Variants in GPC1 observed in about 807,000 individuals in gnomAD.
GPC1 encodes glypican-1.
A neutral mutation model predicts 51.5 loss-of-function variants in GPC1; 26 were observed. The ratio of observed to expected loss-of-function variants is 0.50; its 90% CI spans 0.37 to 0.70. GPC1 has a LOEUF of 0.70. Among genes scored for constraint, GPC1 ranks in the 30% least tolerant of loss-of-function variants. The pLI is 0.00. For missense variants in GPC1, 775 were observed against 800.5 expected (o/e 0.97, Z 0.38); for synonymous variants, 380 against 348.3 (o/e 1.09, Z -1.01).
intron 1 of GPC1, chr2:240,449,883 C>T (rs1280495547): frequency 2.1e-6 from 1 of 470,820 alleles, no homozygotes; most frequent in East Asian, 6.9e-5. Flanking sequence ...GTCAGAATTT[C>T]TTCCTTTTCA....
rs530703798 is a variant in GPC1 at position 240,451,147 on chromosome 2, G to A, written c.167-7883G>A. On this transcript the variant is annotated intron_variant, in intron 1 of 8. Transcript: ENST00000264039. ...TCTGTTCCTTCCCCAGTGTTTATGA[G>A]CCATCCCTCTTGGCGGGCTCCCTCC... The A allele has an allele frequency of 6.2e-5, 29 of 471,262 alleles. No individual in the cohort carries two copies. In the East Asian group the frequency reaches 1.6e-3, roughly 26 times the overall value. The allele number at this position is 471,262 out of a possible 1,614,324, so 29.2% of individuals were successfully genotyped here. A position where few individuals can be genotyped will look rare whatever the true frequency, so the allele number is the denominator to read the frequency against.
intron 1 of GPC1, among the ~76,000 whole-genome samples, chr2:240,442,665 C>T (rs1317846691): frequency 6.6e-6 from 1 of 152,234 alleles, no homozygotes; most frequent in African/African-American, 2.4e-5. Context: ...CCCAAAGTCA[C>T]ATCCTGAGGA....
At chr2:240,443,272 C>T (rs2074029720) in intron 1 of GPC1, among the ~76,000 whole-genome samples, 3 of 152,262 alleles carry the variant, frequency 2.0e-5, no homozygotes, top group African/African-American at 4.8e-5. Flanking sequence ...CAGTCTCCCA[C>T]TTGTCAGGGG....
In GPC1 at chr2:240,439,804, G is replaced by C. The variant is rs538150045; in HGVS notation, c.166+3720G>C. Among the ~76,000 whole-genome samples the C allele has an allele frequency of 2.6e-5, 4 of 152,346 alleles. No individual in the cohort carries two copies. The East Asian group carries it at 7.7e-4, about 29-fold the overall frequency. On this transcript the variant is annotated intron_variant, in intron 1 of 8. Transcript: ENST00000264039. ...TGTCCTGTCCAGGTGGCTCAGCGTG[G>C]TTCCCAGGTGGTCCTCAGCCTTTGC...
chr2:240,466,351 C>A lies in GPC1; in HGVS notation c.*61C>A. ...GACTTTGCCAAAAATACAACACAGA[C>A]GATATTTAATTCACCTCAGCCTGGA... On this transcript the variant is annotated 3_prime_UTR_variant, in exon 9 of 9. Coordinates refer to ENST00000264039, the MANE Select transcript of GPC1 (RefSeq NM_002081.3). 1 of 950,046 alleles carries A rather than the reference C, an allele frequency of 1.1e-6. No individual in the cohort carries two copies. The highest frequency in any genetic ancestry group is 1.7e-6 in the Non-Finnish European group (1 of 596,922). The allele number at this position is 950,046 out of a possible 1,614,324, so 58.9% of individuals were successfully genotyped here. A position where few individuals can be genotyped will look rare whatever the true frequency, so the allele number is the denominator to read the frequency against.
At chr2:240,447,230 C>G (rs1339507705) in intron 1 of GPC1, among the ~76,000 whole-genome samples, 3 of 152,150 alleles carry the variant, frequency 2.0e-5, no homozygotes, top group African/African-American at 7.2e-5. Context: ...TCGTAGATGA[C>G]CCCCATGTTC....
chr2:240,450,663 T>G (rs1467451051), intron 1 of GPC1: 1 of 470,576 alleles, frequency 2.1e-6, no homozygotes, highest in Non-Finnish European at 4.4e-6. Context: ...GTGCTTCCTC[T>G]GGGGAGGAGG....
In GPC1 at chr2:240,458,804, C is replaced by T. The variant is rs971382861; in HGVS notation, c.167-226C>T. On this transcript the variant is annotated intron_variant, in intron 1 of 8. Transcript: ENST00000264039. Reference sequence around the variant, plus strand: ...GGGCCTCCTGCCCTGTAGAGGCAGCCGTGCTCTTGTGTCACGTGTGGGAAG... The same window carrying T: ...GGGCCTCCTGCCCTGTAGAGGCAGCTGTGCTCTTGTGTCACGTGTGGGAAG... 3.0e-5 allele frequency: 16 copies of T among 541,956 alleles called. No homozygotes were observed. The South Asian group carries it at 3.0e-4, about 10-fold the overall frequency. 33.6% of individuals were successfully genotyped at this position (541,956 alleles called of 1,614,324 possible). A position where few individuals can be genotyped will look rare whatever the true frequency, so the allele number is the denominator to read the frequency against.
chr2:240,450,539 T>C (rs1399595718), intron 1 of GPC1: 1 of 463,074 alleles, frequency 2.2e-6, no homozygotes, highest in South Asian at 1.6e-5. Context: ...CTTAACCCCC[T>C]GCGAGGCCCA....
intron 1 of GPC1, among the ~76,000 whole-genome samples, chr2:240,456,241 G>A (rs1005412209): frequency 4.6e-5 from 7 of 152,150 alleles, no homozygotes; most frequent in Admixed American, 6.5e-5. Flanking sequence ...CCTGCAGGTG[G>A]GGGGAGCTCC....
Position 240,467,015 on chromosome 2 carries a change from T to C in GPC1, c.*725T>C, listed in dbSNP as rs1025565973. 3 of 152,398 alleles carry C rather than the reference T, an allele frequency of 2.0e-5. No homozygotes were observed. The East Asian group carries it at 5.8e-4, about 29-fold the overall frequency. 9.4% of individuals were successfully genotyped at this position (152,398 alleles called of 1,614,324 possible). On this transcript the variant is annotated 3_prime_UTR_variant, in exon 9 of 9. Transcript: ENST00000264039. Reference sequence around the variant, plus strand: ...GCGCTTCTGCTGGAGGAGGGGAAGCTGGGCCCAAAGGCCCAGGGAGGCAGC... The same window carrying C: ...GCGCTTCTGCTGGAGGAGGGGAAGCCGGGCCCAAAGGCCCAGGGAGGCAGC...
chr2:240,462,479 C>G lies in GPC1; in HGVS notation c.614C>G (p.Ala205Gly), dbSNP rs367907059. 1.2e-6 allele frequency: 2 copies of G among 1,601,316 alleles called. No homozygotes were observed. The highest frequency in any genetic ancestry group is 1.7e-6 in the Non-Finnish European group (2 of 1,175,374). The change falls in exon 3 of 9, where the codon GCC becomes GGC. Residue 205 changes from alanine to glycine, a missense_variant. By Grantham distance (60) the Ala-to-Gly change is moderately conservative. Coordinates refer to ENST00000264039, the MANE Select transcript of GPC1 (RefSeq NM_002081.3). ...GAGGCGCTGCGGCCCTTCGGGGAGG[C>G]CCCGAGAGAGCTGCGCCTGCGGGCC... ...QAEALRPFGE[A>G]PRELRLRATR...
chr2:240,459,258 T>A, intron 2 of GPC1, 70 bp downstream of exon 2: 1 of 1,401,552 alleles, frequency 7.1e-7, no homozygotes, highest in Non-Finnish European at 9.8e-7. Flanking sequence ...ACACTGGGCC[T>A]TGCCTGGTGT....
intron 1 of GPC1, among the ~76,000 whole-genome samples, chr2:240,455,822 C>T (rs1483894068): frequency 6.6e-6 from 1 of 152,222 alleles, no homozygotes; most frequent in Non-Finnish European, 1.5e-5. Flanking sequence ...AGGACCACAA[C>T]CTGTGGCCCC....
rs1178200338 is a variant in GPC1 at position 240,468,058 on chromosome 2, A to C, written c.*1768A>C. 1.3e-5 allele frequency: 2 copies of C among 152,358 alleles called. No individual in the cohort carries two copies. Among genetic ancestry groups the C allele is most frequent in the Non-Finnish European group, 2.9e-5 (2 of 68,152 alleles). The allele number at this position is 152,358 out of a possible 1,614,324, so 9.4% of individuals were successfully genotyped here. ...TGTGTTCTTTTGAGTCCTTGTATGA[A>C]TAAAAGGCTGGAAACCTACAGCAGG... On this transcript the variant is annotated 3_prime_UTR_variant, in exon 9 of 9. Coordinates refer to ENST00000264039, the MANE Select transcript of GPC1 (RefSeq NM_002081.3).
intron 1 of GPC1, chr2:240,453,014 TG>T (rs1391898743): frequency 2.9e-6 from 1 of 350,302 alleles, no homozygotes; most frequent in African/African-American, 2.4e-5. Flanking sequence ...GAGCCGCCGC[TG>T]CGAAGGGGGT....
chr2:240,459,227 C>T lies in GPC1; in HGVS notation c.325+39C>T, dbSNP rs371143647. ...ACGGGCGCTCGGGGCCCGCAGGGTG[C>T]CGGTGCATCGGGGGAGGGGCACACT... On this transcript the variant is annotated intron_variant, in intron 2 of 8. Transcript: ENST00000264039. The T allele has an allele frequency of 2.3e-5, 36 of 1,586,244 alleles. No individual in the cohort carries two copies. In the African/African-American group the frequency reaches 3.8e-4, roughly 17 times the overall value.
chr2:240,461,795 AG>A (rs1340479818), intron 2 of GPC1, among the ~76,000 whole-genome samples: 3 of 151,980 alleles, frequency 2.0e-5, no homozygotes, highest in African/African-American at 7.2e-5. Context: ...AGCGGCTGGC[AG>A]GGGGGCACAG....
At chr2:240,450,805 C>G (rs2074092248) in intron 1 of GPC1, 1 of 469,332 alleles carries the variant, frequency 2.1e-6, no homozygotes, top group African/African-American at 2.0e-5. Context: ...GGTACCAGGG[C>G]CGGCCTGGGT....
Sources: gnomAD v4.1 joint callset for allele counts (sites outside exome capture counted in the v4.1 genomes callset) on GRCh38, gnomAD v4.1.1 for gene constraint, MANE v1.5 for transcripts, NCBI Gene and HGNC (gene_info 2026-07-23, HGNC 2026-07-21) for gene names.